Variants in RCBTB2 observed in about 807,000 individuals in gnomAD.
RCBTB2 encodes RCC1 and BTB domain-containing protein 2.
RCBTB2 carries 55 observed loss-of-function variants against 65.4 expected under a neutral mutation model. The ratio of observed to expected loss-of-function variants is 0.84; its 90% confidence interval spans 0.68 to 1.05. The LOEUF (loss-of-function observed/expected upper bound fraction) is 1.05, where lower values mean the gene tolerates loss of function less well. RCBTB2 is among the 50% of genes least tolerant of loss of function. The pLI is 0.00. For missense variants in RCBTB2, 599 were observed against 680.1 expected (o/e 0.88, Z 1.33); for synonymous variants, 220 against 255.2 (o/e 0.86, Z 1.31).
rs1951203885 is a variant in RCBTB2, at chr13:48,518,263, G to A, written c.43-2522C>T. Among the ~76,000 whole-genome samples the A allele has an allele frequency of 3.9e-5, 6 of 152,056 alleles. No individual in the cohort carries two copies. The South Asian group carries it at 1.2e-3, about 32-fold the overall frequency. On this transcript the variant is annotated intron_variant, in intron 4 of 14. Coordinates refer to ENST00000344532, the MANE Select transcript of RCBTB2 (RefSeq NM_001268.4). ...AGCATCACCCTGTGAGTTAATGGCAGAGCCTGTACCAGGGCTAAGCTCTCC... is the reference window on the plus strand; with the variant it reads ...AGCATCACCCTGTGAGTTAATGGCAAAGCCTGTACCAGGGCTAAGCTCTCC...
chr13:48,510,722 A>G lies in RCBTB2; in HGVS notation c.833T>C (p.Val278Ala). Reference sequence around the variant, plus strand: ...ATAAGAATTGGCGCCCCAAGCATACACTTGGCCTTCATCTGTTAATACTAA... The same window carrying G: ...ATAAGAATTGGCGCCCCAAGCATACGCTTGGCCTTCATCTGTTAATACTAA... ...HTLVLTDEGQVYAWGANSYGQ... is the reference protein window; with the variant it reads ...HTLVLTDEGQAYAWGANSYGQ... The change falls in exon 10 of 15, where the codon GTG becomes GCG. Residue 278 changes from valine to alanine, a missense_variant. Coordinates refer to ENST00000344532, the MANE Select transcript of RCBTB2 (RefSeq NM_001268.4). 4 of 1,614,112 alleles carry G rather than the reference A, an allele frequency of 2.5e-6. No homozygotes were observed. The highest frequency in any genetic ancestry group is 2.5e-6 in the Non-Finnish European group (3 of 1,179,998).
At chr13:48,531,631 A>AGTGGTGGAAGTGGGGTATGCAAGAAC (rs1366128935) in intron 1 of RCBTB2, among the ~76,000 whole-genome samples, 1 of 152,174 alleles carries the variant, frequency 6.6e-6, no homozygotes, top group African/African-American at 2.4e-5. Flanking sequence ...ATAAGGCCTG[A>AGTGGTGGAAGTGGGGTATGCAAGAAC]GTGGTGGAAG....
At chr13:48,512,245 A>G (rs1327010647) in intron 7 of RCBTB2, 71 bp from the exon 8 acceptor site, 1 of 1,342,770 alleles carries the variant, frequency 7.4e-7, no homozygotes, top group Non-Finnish European at 1.0e-6. Context: ...ACTGACATGT[A>G]CTTGTGGCAC....
At chr13:48,535,436 A>C (rs1222391111), upstream of RCBTB2, among the ~76,000 whole-genome samples, 4 of 151,896 alleles carry the variant, frequency 2.6e-5, no homozygotes, top group Admixed American at 2.0e-4. Flanking sequence ...TTGAATTTTT[A>C]ATAGAGATGG....
At position 48,501,872 on chromosome 13, in the gene RCBTB2, G is replaced by C; in HGVS notation, c.1118-4C>G. 6.2e-7 allele frequency: 1 copy of C among 1,613,166 alleles called. No homozygotes were observed. Among genetic ancestry groups the C allele is most frequent in the Non-Finnish European group, 8.5e-7 (1 of 1,179,658 alleles). On this transcript the variant is annotated splice_polypyrimidine_tract_variant and splice_region_variant and intron_variant, in intron 11 of 14. Transcript: ENST00000344532. ...ACTGTGAGGTGGTCATCAGGTTCTA[G>C]GAGAATAATGCAAATGCTTCCAGAG...
chr13:48,512,150 A>C lies in RCBTB2; in HGVS notation c.541T>G (p.Ser181Ala). The C allele has an allele frequency of 6.2e-7, 1 of 1,614,050 alleles. No homozygotes were observed. The highest frequency in any genetic ancestry group is 8.5e-7 in the Non-Finnish European group (1 of 1,179,890). ...GTTGATCCAGATCCTACCTGCCCAG[A>C]GTTATTATAACCCCAGGCAAATACC... ...GEVFAWGYNNSGQVGSGSTVN... is the reference protein window; with the variant it reads ...GEVFAWGYNNAGQVGSGSTVN... The change falls in exon 8 of 15, where the codon TCT (serine) becomes GCT (alanine). Residue 181 changes from serine (S) to alanine (A), a missense_variant. Transcript: ENST00000344532.
At chr13:48,516,091 A>G (rs1951071027) in intron 4 of RCBTB2, among the ~76,000 whole-genome samples, 2 of 112,112 alleles carry the variant, frequency 1.8e-5, no homozygotes, top group Non-Finnish European at 3.2e-5. Context: ...TAAAAGCAAG[A>G]GAGACAGAGA....
rs573059970 is a variant in RCBTB2 at position 48,502,046 on chromosome 13, A to G, written c.1118-178T>C. On this transcript the variant is annotated intron_variant, in intron 11 of 14. Coordinates refer to ENST00000344532, the MANE Select transcript of RCBTB2 (RefSeq NM_001268.4). ...ATTTGCATCTCTGTAATCATTAAGA[A>G]TAAGAATCTCACAAATATCTGCTTA... 4.6e-5 allele frequency among the ~76,000 whole-genome samples: 7 copies of G among 152,374 alleles called. No homozygotes were observed. In the South Asian group the frequency reaches 8.3e-4, roughly 18 times the overall value.
At chr13:48,523,373 C>T (rs1317694859) in intron 2 of RCBTB2, among the ~76,000 whole-genome samples, 2 of 152,142 alleles carry the variant, frequency 1.3e-5, no homozygotes, top group Non-Finnish European at 2.9e-5. Context: ...CAAATTCTGC[C>T]TCATATGACA....
chr13:48,498,667 T>C (rs1950084801), intron 13 of RCBTB2, among the ~76,000 whole-genome samples: 1 of 151,758 alleles, frequency 6.6e-6, no homozygotes, highest in Non-Finnish European at 1.5e-5. Context: ...GAGGCGGAGG[T>C]TGTGGTGAGC....
At chr13:48,490,398 T>C (rs188087751) in intron 14 of RCBTB2, 147 bp from the exon 15 acceptor site, 6 of 649,040 alleles carry the variant, frequency 9.2e-6, no homozygotes, top group East Asian at 2.7e-5. Context: ...ACCTAAAGAA[T>C]AGTCATAAAA....
chr13:48,494,699 CCCT>C (rs1949894542), intron 14 of RCBTB2, among the ~76,000 whole-genome samples: 1 of 152,154 alleles, frequency 6.6e-6, no homozygotes, highest in African/African-American at 2.4e-5. Flanking sequence ...TCTGAGATGG[CCCT>C]CCATCACCGT....
At chr13:48,512,222 G>T (rs754464278) in intron 7 of RCBTB2, 48 bp from the exon 8 acceptor site, 2 of 1,524,548 alleles carry the variant, frequency 1.3e-6, no homozygotes, top group Admixed American at 1.7e-5. Context: ...TTTATAAACT[G>T]TCTCAACTGG....
intron 3 of RCBTB2, 54 bp downstream of exon 3, chr13:48,522,253 GA>G: frequency 8.6e-7 from 1 of 1,163,434 alleles, no homozygotes; most frequent in Admixed American, 2.0e-5. Flanking sequence ...GAAATCAGTA[GA>G]AAATTTTCAT....
At chr13:48,520,314 C>A (rs1357188603) in intron 4 of RCBTB2, among the ~76,000 whole-genome samples, 1 of 152,112 alleles carries the variant, frequency 6.6e-6, no homozygotes, top group East Asian at 1.9e-4. Flanking sequence ...CAACTCCGTG[C>A]CCAACTGTCA....
chr13:48,514,133 A>G (rs1290652693), intron 6 of RCBTB2, among the ~76,000 whole-genome samples: 1 of 152,232 alleles, frequency 6.6e-6, no homozygotes, highest in African/African-American at 2.4e-5. Flanking sequence ...TCTTTGGCAT[A>G]TCCAAATTGC....
chr13:48,510,873 C>G (rs1950753062), intron 9 of RCBTB2, 102 bp from the exon 10 acceptor site: 1 of 1,218,018 alleles, frequency 8.2e-7, no homozygotes. Context: ...AAGGAAGAGG[C>G]AGCCTACCCG....
Position 48,502,854 on chromosome 13 carries a change from C to T in RCBTB2, c.987G>A (p.Gly329=), listed in dbSNP as rs140807796. ...GGCACTGGCCCCACATGTACACGTG[C>T]CCACCCTGCGTCTTGGCCGCAGACG... ...THTSAAKTQG[G]HVYMWGQCRG... Residue 329 remains glycine, a synonymous_variant, in exon 11 of 15, where the codon GGG becomes GGA. Transcript: ENST00000344532. 59 of 1,614,030 alleles carry T rather than the reference C, an allele frequency of 3.7e-5. No individual in the cohort carries two copies. The highest frequency in any genetic ancestry group is 5.0e-5 in the Admixed American group (3 of 60,006).
At chr13:48,493,315 A>ACACACACACACACACACT (rs759504798) in intron 14 of RCBTB2, among the ~76,000 whole-genome samples, 17 of 75,082 alleles carry the variant, frequency 2.3e-4, no homozygotes, top group African/African-American at 9.6e-4. Context: ...ACACACACAC[A>ACACACACACACACACACT]CTCTCTCTCT....
Sources: gnomAD v4.1 joint callset for allele counts (sites outside exome capture counted in the v4.1 genomes callset) on GRCh38, gnomAD v4.1.1 for gene constraint, MANE v1.5 for transcripts, NCBI Gene and HGNC (gene_info 2026-07-23, HGNC 2026-07-21) for gene names.